The following NOP58 variants were observed in gnomAD, a reference collection of about 807,000 sequenced individuals.
NOP58 encodes nucleolar protein 58.
A neutral mutation model predicts 71.2 loss-of-function variants in NOP58; 44 were observed. The ratio of observed to expected loss-of-function variants is 0.62; its 90% CI spans 0.49 to 0.79. The LOEUF (loss-of-function observed/expected upper bound fraction) is 0.79, where lower values mean the gene tolerates loss of function less well. Ranked by LOEUF, NOP58 falls within the 30% of genes least tolerant of loss-of-function variation. NOP58 has a pLI of 0.00. For missense variants in NOP58, 538 were observed against 620.2 expected (o/e 0.87, Z 1.41); for synonymous variants, 228 against 200.3 (o/e 1.14, Z -1.17).
intron 2 of NOP58, 164 bp downstream of exon 2, chr2:202,275,353 T>G: frequency 1.8e-6 from 1 of 549,142 alleles, no homozygotes; most frequent in Non-Finnish European, 3.3e-6. Flanking sequence ...ATGTTTTACT[T>G]GGAATATAGG....
chr2:202,278,750 G>A (rs1688650741), intron 3 of NOP58, among the ~76,000 whole-genome samples: 1 of 152,170 alleles, frequency 6.6e-6, no homozygotes, highest in Non-Finnish European at 1.5e-5. Context: ...GAAAATGAAG[G>A]ACCGTGAGGA....
chr2:202,294,795 T>G (rs1310574831), intron 9 of NOP58, among the ~76,000 whole-genome samples: 1 of 151,976 alleles, frequency 6.6e-6, no homozygotes, highest in African/African-American at 2.4e-5. Flanking sequence ...AAACCCCATC[T>G]CTACTAAAAA....
intron 7 of NOP58, chr2:202,290,911 AT>A: frequency 4.6e-6 from 2 of 439,478 alleles, no homozygotes; most frequent in Non-Finnish European, 8.0e-6. Context: ...TACTCTGATT[AT>A]TTTTTGGAAG....
At chr2:202,276,477 A>T (rs765236808) in intron 2 of NOP58, 12 of 515,976 alleles carry the variant, frequency 2.3e-5, no homozygotes, top group African/African-American at 5.8e-5. Flanking sequence ...AATCTAAGTG[A>T]TCTGACTCAA....
At chr2:202,283,771 A>G (rs946638342) in intron 4 of NOP58, among the ~76,000 whole-genome samples, 1 of 152,112 alleles carries the variant, frequency 6.6e-6, no homozygotes, top group Non-Finnish European at 1.5e-5. Flanking sequence ...GCTAAATAAC[A>G]GGTAGTAAAA....
chr2:202,302,824 GAGAA>G, intron 13 of NOP58, 93 bp from the exon 14 acceptor site: 1 of 1,477,820 alleles, frequency 6.8e-7, no homozygotes. Flanking sequence ...GGTAGTTGAT[GAGAA>G]TGACAGAAAA....
chr2:202,287,632 G>A (rs7572505), intron 5 of NOP58, 28 bp from the exon 6 acceptor site: 415,045 of 1,564,552 alleles, frequency 0.27, 60,469 homozygotes, highest in African/African-American at 0.55. Context: ...ATGCTATCTT[G>A]CTAATTTATT....
chr2:202,274,398 G>GTTT (rs1688556220), intron 1 of NOP58, among the ~76,000 whole-genome samples: 2 of 120,278 alleles, frequency 1.7e-5, no homozygotes, highest in African/African-American at 3.4e-5. Context: ...AGCTAATTTT[G>GTTT]TATTTTTTTT....
At chr2:202,277,383 C>T (rs1464998566) in intron 2 of NOP58, among the ~76,000 whole-genome samples, 1 of 151,186 alleles carries the variant, frequency 6.6e-6, no homozygotes, top group East Asian at 1.9e-4. Context: ...GAGTCTGAGG[C>T]AGGAGAATTG....
At position 202,265,959 on chromosome 2, in the gene NOP58, A is replaced by G. The variant is rs1457006220; in HGVS notation, c.18A>G (p.Glu6=). Residue 6 remains glutamate (E), a synonymous_variant, in exon 1 of 15, where the codon GAA becomes GAG. Transcript: ENST00000264279. MLVLF[E]TSVGYAIFKV... is the part of the protein sequence containing the mutation. ...GCCTCACCATGTTGGTGCTGTTTGAAACGTCTGTGGGTTACGCCATCTTTA... is the reference window on the plus strand; with the variant it reads ...GCCTCACCATGTTGGTGCTGTTTGAGACGTCTGTGGGTTACGCCATCTTTA... 1 of 1,614,140 alleles carries G rather than the reference A, an allele frequency of 6.2e-7. No individual in the cohort carries two copies. Among genetic ancestry groups the G allele is most frequent in the South Asian group, 1.1e-5 (1 of 91,070 alleles).
chr2:202,281,251 C>T (rs745833409), intron 3 of NOP58, among the ~76,000 whole-genome samples: 4 of 151,598 alleles, frequency 2.6e-5, no homozygotes, highest in Non-Finnish European at 4.4e-5. Context: ...CTCAGCCTCC[C>T]GAGTAGCTAG....
intron 3 of NOP58, among the ~76,000 whole-genome samples, chr2:202,282,030 G>A (rs1688715043): frequency 1.3e-5 from 2 of 152,202 alleles, no homozygotes; most frequent in African/African-American, 4.8e-5. Context: ...ACAAAGGAAA[G>A]TGAGTCTGTT....
At chr2:202,299,680 T>G (rs1419257538) in intron 12 of NOP58, among the ~76,000 whole-genome samples, 1 of 152,198 alleles carries the variant, frequency 6.6e-6, no homozygotes, top group Admixed American at 6.5e-5. Context: ...ATTCACATTT[T>G]AGGCACTCAT....
chr2:202,276,137 G>T (rs1006537290), intron 2 of NOP58, among the ~76,000 whole-genome samples: 2 of 151,918 alleles, frequency 1.3e-5, no homozygotes, highest in Non-Finnish European at 2.9e-5. Context: ...TCAGGAGCTC[G>T]AGACCAGCCT....
chr2:202,284,155 C>A (rs898159989), intron 4 of NOP58, among the ~76,000 whole-genome samples, 190 bp from the exon 5 acceptor site: 4 of 152,038 alleles, frequency 2.6e-5, no homozygotes, highest in African/African-American at 4.8e-5. Flanking sequence ...GTGGCTCATG[C>A]CTGCAATAAT....
At chr2:202,295,955 G>C (rs1350819879) in intron 10 of NOP58, 118 bp downstream of exon 10, 2 of 729,478 alleles carry the variant, frequency 2.7e-6, no homozygotes. Context: ...TTGTTAAATA[G>C]GGAATGGTGA....
At chr2:202,282,240 A>G in intron 3 of NOP58, 111 bp from the exon 4 acceptor site, 1 of 762,536 alleles carries the variant, frequency 1.3e-6, no homozygotes, top group Non-Finnish European at 2.1e-6. Context: ...AGTAACATTA[A>G]ATTCAAGCCC....
chr2:202,284,906 T>A (rs1322806631), intron 5 of NOP58, among the ~76,000 whole-genome samples: 6 of 152,132 alleles, frequency 3.9e-5, no homozygotes, highest in Admixed American at 1.3e-4. Flanking sequence ...TACTCTGATT[T>A]TTAATAAGGC....
chr2:202,278,383 G>A (rs1688641392), intron 3 of NOP58: 9 of 427,722 alleles, frequency 2.1e-5, no homozygotes, highest in South Asian at 1.6e-4. Flanking sequence ...GGGTAGAGTT[G>A]TAATCCTGAG....
Sources: gnomAD v4.1 joint callset for allele counts (sites outside exome capture counted in the v4.1 genomes callset) on GRCh38, gnomAD v4.1.1 for gene constraint, MANE v1.5 for transcripts, NCBI Gene and HGNC (gene_info 2026-07-23, HGNC 2026-07-21) for gene names.